Variants in PPP2R1A observed in about 807,000 individuals in gnomAD.
The protein encoded by PPP2R1A is serine/threonine-protein phosphatase 2A 65 kDa regulatory subunit A alpha isoform.
PPP2R1A carries 15 observed loss-of-function variants against 67.1 expected under a neutral mutation model. That is an observed-to-expected ratio of 0.22 (90% confidence interval 0.15 to 0.34). The LOEUF (loss-of-function observed/expected upper bound fraction) is 0.34, where lower values mean the gene tolerates loss of function less well. Among genes scored for constraint, PPP2R1A ranks in the 10% least tolerant of loss-of-function variants. The pLI is 1.00. For missense variants in PPP2R1A, 369 were observed against 775.0 expected (o/e 0.48, Z 6.22); for synonymous variants, 337 against 325.0 (o/e 1.04, Z -0.40).
At chr19:52,209,224 C>CCACCGGTAGTCACTTG (rs138652516) in intron 3 of PPP2R1A, among the ~76,000 whole-genome samples, 9,565 of 152,136 alleles carry the variant, frequency 0.063, 389 homozygotes, top group East Asian at 0.15. Context: ...GCCGTAAGTT[C>CCACCGGTAGTCACTTG]CACCGGTAGT....
intron 1 of PPP2R1A, among the ~76,000 whole-genome samples, chr19:52,199,311 C>T (rs1189763361): frequency 2.6e-5 from 4 of 152,106 alleles, no homozygotes; most frequent in South Asian, 2.1e-4. Context: ...GGACTATAGG[C>T]GCCCGCCACC....
chr19:52,192,316 T>C (rs1336074234), intron 1 of PPP2R1A, among the ~76,000 whole-genome samples: 2 of 151,868 alleles, frequency 1.3e-5, no homozygotes, highest in Non-Finnish European at 1.5e-5. Flanking sequence ...TTTTTTCTTC[T>C]TTTTTTGAGA....
Position 52,219,974 on chromosome 19 carries a change from A to G in PPP2R1A, c.1302+110A>G. On this transcript the variant is annotated intron_variant, in intron 10 of 14. Transcript: ENST00000322088. This position sits in a 1 kb window ranked among gnomAD's most constrained non-coding sequence, Gnocchi z 4.0. Reference sequence around the variant, plus strand: ...TGAAGGCTTAGTGGAGGCTGTGACAACTGCCTGGGGAGTCGAAGGAAGGGA... The same window carrying G: ...TGAAGGCTTAGTGGAGGCTGTGACAGCTGCCTGGGGAGTCGAAGGAAGGGA... 7.2e-7 allele frequency: 1 copy of G among 1,394,952 alleles called. No individual in the cohort carries two copies. The highest frequency in any genetic ancestry group is 9.6e-7 in the Non-Finnish European group (1 of 1,038,380). 86.4% of individuals were successfully genotyped at this position (1,394,952 alleles called of 1,614,324 possible).
In PPP2R1A at chr19:52,216,666, A is replaced by C; in HGVS notation, c.1128+3A>C. 3 of 1,614,104 alleles carry C rather than the reference A, an allele frequency of 1.9e-6. No homozygotes were observed. The highest frequency in any genetic ancestry group is 1.7e-6 in the Non-Finnish European group (2 of 1,180,020). On this transcript the variant is annotated splice_donor_region_variant and intron_variant, in intron 9 of 14. Coordinates refer to ENST00000322088, the MANE Select transcript of PPP2R1A (RefSeq NM_014225.6). The surrounding 1 kb of genome is among the most constrained non-coding windows in gnomAD (Gnocchi z 4.3). The stretch of plus-strand genomic sequence containing the variant: ...TCCTGGCTCAGCTGAAGGATGAGGT[A>C]AGGGCACCAGGATCTCAGCTCTGGG...
rs2089671317 is a variant in PPP2R1A at position 52,211,592 on chromosome 19, C to G, written c.503+100C>G. 3.2e-6 allele frequency: 4 copies of G among 1,240,574 alleles called. No individual in the cohort carries two copies. The Admixed American group carries it at 9.3e-5, about 29-fold the overall frequency. 76.8% of individuals were successfully genotyped at this position (1,240,574 alleles called of 1,614,324 possible). On this transcript the variant is annotated intron_variant, in intron 4 of 14. Transcript: ENST00000322088. This position sits in a 1 kb window ranked among gnomAD's most constrained non-coding sequence, Gnocchi z 5.3. Reference sequence around the variant, plus strand: ...TGGTCTAGCTGGGGCCCAAATGCCCCTGAACTCTCTCCACTCCCACTCCTG... The same window carrying G: ...TGGTCTAGCTGGGGCCCAAATGCCCGTGAACTCTCTCCACTCCCACTCCTG...
rs1285434459 is a variant in PPP2R1A at position 52,228,750 on chromosome 19, C to T, written c.*2769C>T. 1 of 152,282 alleles carries T rather than the reference C, an allele frequency of 6.6e-6. No homozygotes were observed. Among genetic ancestry groups the T allele is most frequent in the East Asian group, 1.9e-4 (1 of 5,190 alleles). 9.4% of individuals were successfully genotyped at this position (152,282 alleles called of 1,614,324 possible). A position where few individuals can be genotyped will look rare whatever the true frequency, so the allele number is the denominator to read the frequency against. ...ACAGCACTGTTCTTCAGAGCCCACACACAAATTTTGTCTCCTTTTGTGATG... is the reference window on the plus strand; with the variant it reads ...ACAGCACTGTTCTTCAGAGCCCACATACAAATTTTGTCTCCTTTTGTGATG... On this transcript the variant is annotated 3_prime_UTR_variant, in exon 15 of 15. Transcript: ENST00000322088.
At chr19:52,220,082 TGTCCG>T (rs1418712405) in intron 10 of PPP2R1A, 102 bp from the exon 11 acceptor site, 1 of 1,325,376 alleles carries the variant, frequency 7.5e-7, no homozygotes, top group East Asian at 2.3e-5. Context: ...AGTTGAGAAG[TGTCCG>T]GTCTTTCTAG....
At chr19:52,202,944 G>A (rs1243628628) in intron 2 of PPP2R1A, among the ~76,000 whole-genome samples, 1 of 152,248 alleles carries the variant, frequency 6.6e-6, no homozygotes, top group Non-Finnish European at 1.5e-5. Context: ...TGTAGGTAAA[G>A]CATTTAATAC....
At position 52,211,244 on chromosome 19, in the gene PPP2R1A, T is replaced by A; in HGVS notation, c.271-16T>A. 6.2e-7 allele frequency: 1 copy of A among 1,609,932 alleles called. No individual in the cohort carries two copies. ...TGGAGAGGGAGCTGTCCAGTGACTTTGTGTTCTCACCACAGCCACCGCTGG... is the reference window on the plus strand; with the variant it reads ...TGGAGAGGGAGCTGTCCAGTGACTTAGTGTTCTCACCACAGCCACCGCTGG... On this transcript the variant is annotated splice_polypyrimidine_tract_variant and intron_variant, in intron 3 of 14. Coordinates refer to ENST00000322088, the MANE Select transcript of PPP2R1A (RefSeq NM_014225.6). The surrounding 1 kb of genome is among the most constrained non-coding windows in gnomAD (Gnocchi z 5.3).
chr19:52,192,941 A>G (rs577608343), intron 1 of PPP2R1A, among the ~76,000 whole-genome samples: 1 of 152,318 alleles, frequency 6.6e-6, no homozygotes, highest in South Asian at 2.1e-4. Context: ...CATGGTTGTA[A>G]CAGAGATGGC....
Position 52,219,939 on chromosome 19 carries a change from A to G in PPP2R1A, c.1302+75A>G. 1.3e-6 allele frequency: 2 copies of G among 1,505,716 alleles called. No individual in the cohort carries two copies. The allele number at this position is 1,505,716 out of a possible 1,614,324, so 93.3% of individuals were successfully genotyped here. On this transcript the variant is annotated intron_variant, in intron 10 of 14. Coordinates refer to ENST00000322088, the MANE Select transcript of PPP2R1A (RefSeq NM_014225.6). The surrounding 1 kb of genome is among the most constrained non-coding windows in gnomAD (Gnocchi z 4.0). ...AGTATGTCCAGGGCTGTGATGGGGAAACGGGGCTTTGAAGGCTTAGTGGAG... is the reference window on the plus strand; with the variant it reads ...AGTATGTCCAGGGCTGTGATGGGGAGACGGGGCTTTGAAGGCTTAGTGGAG...
intron 1 of PPP2R1A, chr19:52,200,213 C>G (rs1051527195): frequency 6.6e-6 from 1 of 152,252 alleles, no homozygotes; most frequent in East Asian, 1.9e-4. Context: ...GTCACTCTCC[C>G]CCTCATGAAA....
rs1438443756 is a variant in PPP2R1A, at chr19:52,213,217, C to T, written c.807+107C>T. ...CCATTAGGCCGATGGAACCATTGGG[C>T]GTTTGAGCAATAAGATCTCTATGAT... On this transcript the variant is annotated intron_variant, in intron 6 of 14. Coordinates refer to ENST00000322088, the MANE Select transcript of PPP2R1A (RefSeq NM_014225.6). This position sits in a 1 kb window ranked among gnomAD's most constrained non-coding sequence, Gnocchi z 4.2. The T allele has an allele frequency of 6.0e-6, 8 of 1,339,098 alleles. No homozygotes were observed. In the African/African-American group the frequency reaches 7.4e-5, roughly 12 times the overall value. 83.0% of individuals were successfully genotyped at this position (1,339,098 alleles called of 1,614,324 possible).
intron 9 of PPP2R1A, among the ~76,000 whole-genome samples, chr19:52,217,582 T>TA (rs1437270747): frequency 6.6e-6 from 1 of 152,164 alleles, no homozygotes; most frequent in South Asian, 2.1e-4. Flanking sequence ...ATTAAGGTGT[T>TA]ACAGGTGCTG....
rs2089674660 is a variant in PPP2R1A at position 52,212,003 on chromosome 19, C to G, written c.503+511C>G. Among the ~76,000 whole-genome samples the G allele has an allele frequency of 1.3e-5, 2 of 152,154 alleles. No homozygotes were observed. The highest frequency in any genetic ancestry group is 4.8e-5 in the African/African-American group (2 of 41,412). ...ACTTGCTTAGATACTTACACTGGCC[C>G]CCACCGCCTTTGATCGAAGCAATTG... On this transcript the variant is annotated intron_variant, in intron 4 of 14. Transcript: ENST00000322088. The surrounding 1 kb of genome is among the most constrained non-coding windows in gnomAD (Gnocchi z 4.1).
rs1978872321 is a variant in PPP2R1A, at chr19:52,220,836, A to G, written c.1364-143A>G. 6 of 906,518 alleles carry G rather than the reference A, an allele frequency of 6.6e-6. No homozygotes were observed. The Admixed American group carries it at 1.0e-4, about 15-fold the overall frequency. The allele number at this position is 906,518 out of a possible 1,614,324, so 56.2% of individuals were successfully genotyped here. A position where few individuals can be genotyped will look rare whatever the true frequency, so the allele number is the denominator to read the frequency against. ...ACAGTTACTAGATATAGCACATAGT[A>G]AGTCCTTTTTTCTCTCTTTGGCTCA... On this transcript the variant is annotated intron_variant, in intron 11 of 14. Transcript: ENST00000322088.
chr19:52,206,676 G>T (rs899348164), intron 3 of PPP2R1A, among the ~76,000 whole-genome samples: 5 of 152,060 alleles, frequency 3.3e-5, no homozygotes, highest in Non-Finnish European at 2.9e-5. Flanking sequence ...TGTCTGCCAG[G>T]TCCCCACCCC....
rs144544128 is a variant in PPP2R1A at position 52,221,004 on chromosome 19, C to T, written c.1389C>T (p.Thr463=). Residue 463 remains threonine (T), a synonymous_variant, in exon 12 of 15, where the codon ACC becomes ACT. Transcript: ENST00000322088. ...TATATGCCATCCGCGAGGCAGCCAC[C>T]AGCAACCTGAAGAAGCTAGTGGAAA... ...DHVYAIREAA[T]SNLKKLVEKF... is the part of the protein sequence containing the mutation. The T allele has an allele frequency of 5.0e-6, 8 of 1,614,212 alleles. No homozygotes were observed. In the East Asian group the frequency reaches 1.3e-4, roughly 27 times the overall value.
At chr19:52,199,912 A>C (rs2089531143) in intron 1 of PPP2R1A, among the ~76,000 whole-genome samples, 1 of 152,200 alleles carries the variant, frequency 6.6e-6, no homozygotes. Context: ...TTAATGCCAG[A>C]ATGGTGAGTT....
Sources: gnomAD v4.1 joint callset for allele counts (sites outside exome capture counted in the v4.1 genomes callset) on GRCh38, gnomAD v4.1.1 for gene constraint, Gnocchi (gnomAD v3.1) non-coding constraint, MANE v1.5 for transcripts, NCBI Gene and HGNC (gene_info 2026-07-23, HGNC 2026-07-21) for gene names.